The following WWC2 variants were observed in gnomAD, a reference collection of about 807,000 sequenced individuals.
The protein encoded by WWC2 is protein WWC2.
Under a neutral mutation model 138.5 loss-of-function variants are expected in WWC2, and 101 were observed. The observed-to-expected ratio is 0.73, with a 90% CI of 0.62 to 0.86. The LOEUF is 0.86. WWC2 is among the 40% of genes least tolerant of loss of function. The pLI, the probability that WWC2 is intolerant of heterozygous loss-of-function variation, is 0.00. For synonymous variants in WWC2, 558 were observed against 538.4 expected, an observed-to-expected ratio of 1.04 and a Z score of -0.50; for missense variants, 1,420 against 1,419.4, an observed-to-expected ratio of 1.00 and a Z score of -0.01.
At chr4:183,204,867 G>GTA (rs1249080823) in intron 2 of WWC2, among the ~76,000 whole-genome samples, 1 of 152,190 alleles carries the variant, frequency 6.6e-6, no homozygotes, top group Non-Finnish European at 1.5e-5. Context: ...CATACAGCAT[G>GTA]TGGTCTTTTG....
intron 4 of WWC2, chr4:183,233,935 A>G (rs888995707): frequency 6.6e-6 from 1 of 152,194 alleles, no homozygotes; most frequent in African/African-American, 2.4e-5. Flanking sequence ...AAGACAGTGG[A>G]GAAAATGGTG....
chr4:183,252,117 T>C (rs1015500668), intron 8 of WWC2, among the ~76,000 whole-genome samples: 2 of 152,240 alleles, frequency 1.3e-5, no homozygotes, highest in African/African-American at 2.4e-5. Flanking sequence ...AAGAAACTTA[T>C]GGCACAAAGG....
At chr4:183,205,897 T>C (rs982054959) in intron 2 of WWC2, among the ~76,000 whole-genome samples, 1 of 152,210 alleles carries the variant, frequency 6.6e-6, no homozygotes, top group African/African-American at 2.4e-5. Flanking sequence ...CCTGGCCTTG[T>C]GCATTTCCCG....
intron 8 of WWC2, among the ~76,000 whole-genome samples, chr4:183,253,420 T>C (rs1737037887): frequency 6.6e-6 from 1 of 152,186 alleles, no homozygotes; most frequent in African/African-American, 2.4e-5. Flanking sequence ...CAGTCACACG[T>C]CAGAGCTGGC....
At chr4:183,314,083 C>T (rs902613623) in intron 22 of WWC2, among the ~76,000 whole-genome samples, 14 of 151,960 alleles carry the variant, frequency 9.2e-5, no homozygotes, top group African/African-American at 3.1e-4. Context: ...TGGTACCAAG[C>T]GGGAGGGCAG....
Position 183,248,761 on chromosome 4 carries a change from C to T in WWC2, c.780C>T (p.Gly260=). The T allele has an allele frequency of 6.2e-7, 1 of 1,603,686 alleles. No individual in the cohort carries two copies. Residue 260 remains glycine (G), a synonymous_variant, in exon 7 of 23, where the codon GGC becomes GGT. Transcript: ENST00000403733. ...GGTTTCATTTGGATCAGAACATTGG[C>T]AGATCTGAGCCAGATTTGAGATGTA... ...QERFHLDQNI[G]RSEPDLRCSP...
chr4:183,243,804 C>T (rs1736689832), intron 5 of WWC2, among the ~76,000 whole-genome samples: 1 of 138,172 alleles, frequency 7.2e-6, no homozygotes, highest in Non-Finnish European at 1.5e-5. Flanking sequence ...TGTGTTTAAT[C>T]TGTGACTTGA....
At chr4:183,187,928 AG>A (rs1323845005) in intron 1 of WWC2, among the ~76,000 whole-genome samples, 2 of 152,168 alleles carry the variant, frequency 1.3e-5, no homozygotes, top group African/African-American at 4.8e-5. Context: ...CCCATTTTGA[AG>A]GGTTGTTATT....
At chr4:183,170,916 G>A (rs1456566019) in intron 1 of WWC2, among the ~76,000 whole-genome samples, 1 of 151,622 alleles carries the variant, frequency 6.6e-6, no homozygotes, top group Admixed American at 6.6e-5. Flanking sequence ...TGAGCTTCAA[G>A]TGATCCTCCT....
At chr4:183,247,598 A>G (rs1385280408) in intron 6 of WWC2, among the ~76,000 whole-genome samples, 1 of 137,358 alleles carries the variant, frequency 7.3e-6, no homozygotes, top group Non-Finnish European at 1.5e-5. Flanking sequence ...TATATATGCT[A>G]TATATGCTAT....
chr4:183,243,727 A>G (rs1040710541), intron 5 of WWC2, among the ~76,000 whole-genome samples: 1 of 142,720 alleles, frequency 7.0e-6, no homozygotes, highest in Non-Finnish European at 1.5e-5. Flanking sequence ...GGCCCTCCCC[A>G]TTCTAAACAC....
chr4:183,135,075 C>T (rs923053241), intron 1 of WWC2, among the ~76,000 whole-genome samples: 10 of 151,976 alleles, frequency 6.6e-5, no homozygotes, highest in African/African-American at 1.9e-4. Context: ...GGACTACAGG[C>T]GTGTGCCACC....
At chr4:183,122,875 C>T (rs1344670029) in intron 1 of WWC2, among the ~76,000 whole-genome samples, 1 of 152,052 alleles carries the variant, frequency 6.6e-6, no homozygotes, top group Non-Finnish European at 1.5e-5. Context: ...AAAGTAACAG[C>T]CAGTTCTCAG....
At chr4:183,292,030 A>AT (rs1553978146) in intron 21 of WWC2, among the ~76,000 whole-genome samples, 11 of 61,926 alleles carry the variant, frequency 1.8e-4, no homozygotes, top group Admixed American at 8.2e-4. Flanking sequence ...TACAAAAAAA[A>AT]TTAAAAAAAA....
intron 1 of WWC2, among the ~76,000 whole-genome samples, chr4:183,188,580 TTCTATCTAATATGATCTCTCTCTC>T (rs1450037008): frequency 2.1e-4 from 32 of 151,752 alleles, no homozygotes; most frequent in East Asian, 1.2e-3. Context: ...TTTCTAGAAA[TTCTATCTAATATGATCTCTCTCTC>T]TCTATCTAAT....
At chr4:183,213,466 C>T (rs550725260) in intron 4 of WWC2, among the ~76,000 whole-genome samples, 19 of 152,292 alleles carry the variant, frequency 1.2e-4, no homozygotes, top group South Asian at 1.0e-3. Context: ...CAAAGCCAAA[C>T]GCTAGTTTTA....
chr4:183,273,550 C>A (rs987341065), intron 16 of WWC2, among the ~76,000 whole-genome samples: 2 of 152,076 alleles, frequency 1.3e-5, no homozygotes, highest in African/African-American at 2.4e-5. Context: ...GTGATCTGCC[C>A]ACCTTGCCTC....
At chr4:183,124,714 C>T (rs1182313791) in intron 1 of WWC2, among the ~76,000 whole-genome samples, 5 of 151,584 alleles carry the variant, frequency 3.3e-5, no homozygotes, top group Non-Finnish European at 4.4e-5. Flanking sequence ...CTCAGCCTCC[C>T]GAGTAGCTGA....
chr4:183,265,837 TG>T (rs753173958), intron 13 of WWC2, 27 bp from the exon 14 acceptor site: 7 of 1,610,614 alleles, frequency 4.3e-6, no homozygotes, highest in Non-Finnish European at 5.9e-6. Flanking sequence ...TGGTGATTCC[TG>T]ACTTCATTTA....
Sources: gnomAD v4.1 joint callset for allele counts (sites outside exome capture counted in the v4.1 genomes callset) on GRCh38, gnomAD v4.1.1 for gene constraint, MANE v1.5 for transcripts, NCBI Gene and HGNC (gene_info 2026-07-23, HGNC 2026-07-21) for gene names.